The following KCNMB2 variants were observed in gnomAD, a reference collection of about 807,000 sequenced individuals.
KCNMB2 encodes potassium calcium-activated channel subfamily M regulatory beta subunit 2, also known as calcium-activated potassium channel subunit beta-2.
Under a neutral mutation model 24.5 loss-of-function variants are expected in KCNMB2, and 9 were observed. The ratio of observed to expected loss-of-function variants is 0.37; its 90% CI spans 0.22 to 0.64. KCNMB2 has a LOEUF of 0.64. Among genes scored for constraint, KCNMB2 ranks in the 30% least tolerant of loss-of-function variants. The pLI is 0.63. For missense variants in KCNMB2, 226 were observed against 284.3 expected (o/e 0.79, Z 1.47); for synonymous variants, 109 against 104.4 (o/e 1.04, Z -0.27).
chr3:178,728,038 G>A (rs549438980), intron 1 of KCNMB2, among the ~76,000 whole-genome samples: 1 of 152,266 alleles, frequency 6.6e-6, no homozygotes, highest in South Asian at 2.1e-4. Context: ...TTGGAAACAG[G>A]TATAGGCCTT....
At chr3:178,709,302 C>T (rs1021724986) in intron 1 of KCNMB2, among the ~76,000 whole-genome samples, 4 of 152,132 alleles carry the variant, frequency 2.6e-5, no homozygotes, top group African/African-American at 4.8e-5. Flanking sequence ...CAAATGTTTC[C>T]GGTTGCCAGG....
At chr3:178,561,020 A>G (rs1199320999) in intron 1 of KCNMB2, among the ~76,000 whole-genome samples, 1 of 152,210 alleles carries the variant, frequency 6.6e-6, no homozygotes, top group Non-Finnish European at 1.5e-5. Context: ...GGCATGCCAT[A>G]TGTTGCCTCT....
At chr3:178,709,578 T>C (rs1246696363) in intron 1 of KCNMB2, among the ~76,000 whole-genome samples, 3 of 152,094 alleles carry the variant, frequency 2.0e-5, no homozygotes, top group Admixed American at 1.3e-4. Flanking sequence ...AACTCAAACA[T>C]CAGAAAGGGC....
chr3:178,752,856 ATCAG>A (rs1472431862), intron 1 of KCNMB2, among the ~76,000 whole-genome samples: 1 of 152,238 alleles, frequency 6.6e-6, no homozygotes, highest in Non-Finnish European at 1.5e-5. Context: ...TCAGTGAATA[ATCAG>A]TCTGTATAAG....
intron 1 of KCNMB2, chr3:178,757,247 C>A (rs1449646080): frequency 7.1e-6 from 1 of 140,148 alleles, no homozygotes; most frequent in Admixed American, 7.4e-5. Flanking sequence ...CACATACACA[C>A]ATATATATAT....
intron 2 of KCNMB2, among the ~76,000 whole-genome samples, chr3:178,824,128 T>C (rs1382836565): frequency 1.3e-5 from 2 of 152,128 alleles, no homozygotes; most frequent in Non-Finnish European, 1.5e-5. Flanking sequence ...AAGCTTCTCA[T>C]CATCTCCCCA....
At chr3:178,602,787 G>A (rs1718132406) in intron 1 of KCNMB2, among the ~76,000 whole-genome samples, 1 of 152,172 alleles carries the variant, frequency 6.6e-6, no homozygotes, top group Non-Finnish European at 1.5e-5. Flanking sequence ...AAGCCATCGG[G>A]AGGGTAGGAC....
chr3:178,740,089 C>T (rs979709111), intron 1 of KCNMB2, among the ~76,000 whole-genome samples: 3 of 150,614 alleles, frequency 2.0e-5, no homozygotes, highest in Non-Finnish European at 3.0e-5. Context: ...TTTTTTTTTT[C>T]CTTCTGCTGC....
chr3:178,656,543 C>T (rs143118059), intron 1 of KCNMB2, among the ~76,000 whole-genome samples: 8 of 152,192 alleles, frequency 5.3e-5, no homozygotes, highest in African/African-American at 1.9e-4. Context: ...GAGGCTGAGG[C>T]AGGCAGATCA....
intron 1 of KCNMB2, among the ~76,000 whole-genome samples, chr3:178,769,422 G>C (rs1712254402): frequency 6.6e-6 from 1 of 152,162 alleles, no homozygotes; most frequent in South Asian, 2.1e-4. Flanking sequence ...GTGTGATCCA[G>C]CTGTTGACAC....
At chr3:178,830,287 AG>A in intron 4 of KCNMB2, among the ~76,000 whole-genome samples, 1 of 152,254 alleles carries the variant, frequency 6.6e-6, no homozygotes, top group South Asian at 2.1e-4. Context: ...ATTTGGTTAC[AG>A]TTCATTCATT....
chr3:178,825,580 A>G lies in KCNMB2; in HGVS notation c.57-8A>G, dbSNP rs768682573. The G allele has an allele frequency of 2.5e-6, 4 of 1,609,360 alleles. No individual in the cohort carries two copies. The Admixed American group carries it at 6.7e-5, about 27-fold the overall frequency. The stretch of plus-strand genomic sequence containing the variant: ...CTTAATGTAAGACCATATTGTTTTT[A>G]ACCTCAGAAATATTTACCAGAAAAT... On this transcript the variant is annotated splice_polypyrimidine_tract_variant and splice_region_variant and intron_variant, in intron 2 of 4. Transcript: ENST00000452583.
At chr3:178,567,001 AG>A (rs1214840998) in intron 1 of KCNMB2, among the ~76,000 whole-genome samples, 2 of 152,250 alleles carry the variant, frequency 1.3e-5, no homozygotes, top group African/African-American at 2.4e-5. Context: ...ATAATTACAC[AG>A]ATTAATAAGA....
Position 178,763,807 on chromosome 3 carries a change from T to C in KCNMB2, c.-67-43536T>C, listed in dbSNP as rs1413460014. The stretch of plus-strand genomic sequence containing the variant: ...AAGTAGAAAACCATAGGTTATGTTA[T>C]ACTTCTGTCATTTACTGGTGGCATG... On this transcript the variant is annotated intron_variant, in intron 1 of 4. Transcript: ENST00000452583. Among the ~76,000 whole-genome samples the C allele has an allele frequency of 3.9e-5, 6 of 152,218 alleles. No individual in the cohort carries two copies. In the South Asian group the frequency reaches 1.2e-3, roughly 31 times the overall value.
At chr3:178,772,326 A>G (rs1712403713) in intron 1 of KCNMB2, among the ~76,000 whole-genome samples, 2 of 152,150 alleles carry the variant, frequency 1.3e-5, no homozygotes, top group Non-Finnish European at 2.9e-5. Context: ...TGTGTCCCCA[A>G]CCAAATCTCA....
intron 1 of KCNMB2, among the ~76,000 whole-genome samples, chr3:178,614,258 T>TAC (rs1718605753): frequency 2.0e-4 from 6 of 30,646 alleles, no homozygotes; most frequent in African/African-American, 6.9e-4. Context: ...TATATATATA[T>TAC]ATATATATAT....
In KCNMB2 at chr3:178,779,877, G is replaced by C. The variant is rs1299630508; in HGVS notation, c.-67-27466G>C. On this transcript the variant is annotated intron_variant, in intron 1 of 4. Coordinates refer to ENST00000452583, the MANE Select transcript of KCNMB2 (RefSeq NM_181361.3). Reference sequence around the variant, plus strand: ...CTACTATACCATCCTCATTAACTAAGTTAAATACTTCTACAAAGAAAAACT... The same window carrying C: ...CTACTATACCATCCTCATTAACTAACTTAAATACTTCTACAAAGAAAAACT... Among the ~76,000 whole-genome samples, 3 of 152,074 alleles carry C rather than the reference G, an allele frequency of 2.0e-5. No homozygotes were observed. In the East Asian group the frequency reaches 5.8e-4, roughly 29 times the overall value.
intron 1 of KCNMB2, among the ~76,000 whole-genome samples, chr3:178,547,825 T>C (rs567747233): frequency 1.3e-5 from 2 of 152,346 alleles, no homozygotes; most frequent in East Asian, 1.9e-4. Context: ...CTACTACCTA[T>C]GTTGACATTT....
rs368754249 is a variant in KCNMB2, at chr3:178,640,787, A to C, written c.-68+104076A>C. Among the ~76,000 whole-genome samples, 28 of 152,180 alleles carry C rather than the reference A, an allele frequency of 1.8e-4. No individual in the cohort carries two copies. The South Asian group carries it at 5.8e-3, about 32-fold the overall frequency. ...GAGAACCAAATCCAAGGTCACCTGG[A>C]TTGCCTCCTATGCTTATTCTAGAAG... On this transcript the variant is annotated intron_variant, in intron 1 of 4. Transcript: ENST00000452583.
Sources: allele counts gnomAD v4.1 joint callset (sites outside exome capture counted in the v4.1 genomes callset), GRCh38; gene constraint gnomAD v4.1.1; transcripts MANE v1.5; gene names NCBI Gene and HGNC (gene_info 2026-07-23, HGNC 2026-07-21).